KCNJ6: variants seen among roughly 807,000 people sequenced by gnomAD.
The protein encoded by KCNJ6 is potassium inwardly rectifying channel subfamily J member 6, also known as G protein-activated inward rectifier potassium channel 2.
In KCNJ6, 9 loss-of-function variants were observed where a neutral mutation model predicts 34.2. The observed-to-expected ratio is 0.26, with a 90% CI of 0.16 to 0.46. The LOEUF is 0.46. KCNJ6 is among the 20% of genes least tolerant of loss of function. The pLI is 1.00. For missense variants in KCNJ6, 236 were observed against 531.3 expected (o/e 0.44, Z 5.46); for synonymous variants, 196 against 207.1 (o/e 0.95, Z 0.46).
At chr21:37,840,966 T>C (rs2055477546) in intron 1 of KCNJ6, among the ~76,000 whole-genome samples, 1 of 152,190 alleles carries the variant, frequency 6.6e-6, no homozygotes, top group African/African-American at 2.4e-5. Flanking sequence ...ATATATATAA[T>C]TGGTGACGCA....
chr21:37,714,187 A>G lies in KCNJ6; in HGVS notation c.946+24T>C. On this transcript the variant is annotated intron_variant, in intron 3 of 3. Transcript: ENST00000609713. The surrounding 1 kb of genome is among the most constrained non-coding windows in gnomAD (Gnocchi z 5.9). ...TAAAATGAGCATCTATCCCACAGCC[A>G]TCCCAGGATAGAACACATCTTACCT... 6.5e-7 allele frequency: 1 copy of G among 1,538,224 alleles called. No individual in the cohort carries two copies. The highest frequency in any genetic ancestry group is 8.9e-7 in the Non-Finnish European group (1 of 1,117,784).
At chr21:37,822,390 A>AT (rs935855980) in intron 2 of KCNJ6, among the ~76,000 whole-genome samples, 4 of 151,152 alleles carry the variant, frequency 2.6e-5, no homozygotes, top group Non-Finnish European at 5.9e-5. Flanking sequence ...GCCTGGTTCC[A>AT]TTTTTTCCCC....
chr21:37,810,638 T>A (rs970359113), intron 2 of KCNJ6, among the ~76,000 whole-genome samples: 14 of 152,246 alleles, frequency 9.2e-5, no homozygotes, highest in African/African-American at 3.1e-4. Flanking sequence ...TGGCTTTTGA[T>A]ATTGACGTTA....
intron 1 of KCNJ6, among the ~76,000 whole-genome samples, chr21:37,860,401 C>G (rs367995741): frequency 6.6e-6 from 1 of 152,348 alleles, no homozygotes; most frequent in East Asian, 1.9e-4. Flanking sequence ...CTCGCCTGGT[C>G]TACGCCAGGC....
chr21:37,727,334 G>A (rs1312188205), intron 2 of KCNJ6, among the ~76,000 whole-genome samples: 1 of 152,122 alleles, frequency 6.6e-6, no homozygotes, highest in Admixed American at 6.5e-5. Context: ...GAGTGGTGGG[G>A]TCTAAGGCAG....
intron 1 of KCNJ6, among the ~76,000 whole-genome samples, chr21:37,863,414 T>C (rs1338250045): frequency 6.6e-6 from 1 of 152,200 alleles, no homozygotes; most frequent in Admixed American, 6.5e-5. Flanking sequence ...TTTGATTTAT[T>C]GCAAATCTGA....
intron 3 of KCNJ6, among the ~76,000 whole-genome samples, chr21:37,671,963 C>A (rs1160447699): frequency 2.6e-5 from 4 of 151,958 alleles, no homozygotes; most frequent in African/African-American, 9.7e-5. Flanking sequence ...TTTGTGGATT[C>A]TTTGGGGTTT....
chr21:37,871,956 A>T (rs895325789), intron 1 of KCNJ6, among the ~76,000 whole-genome samples: 3 of 152,252 alleles, frequency 2.0e-5, no homozygotes, highest in Non-Finnish European at 4.4e-5. Flanking sequence ...TTGATTTTTC[A>T]TAAGTTAAAT....
intron 1 of KCNJ6, among the ~76,000 whole-genome samples, chr21:37,887,320 G>T (rs2055740880): frequency 6.6e-6 from 1 of 152,148 alleles, no homozygotes; most frequent in Admixed American, 6.6e-5. Flanking sequence ...CTCATGCCTG[G>T]TTATGAATCC....
At chr21:37,760,538 C>T (rs953081761) in intron 2 of KCNJ6, among the ~76,000 whole-genome samples, 5 of 152,318 alleles carry the variant, frequency 3.3e-5, no homozygotes, top group Admixed American at 6.5e-5. Context: ...AGTCCAACAG[C>T]GTGAGGCTTC....
chr21:37,614,518 ATG>A lies in KCNJ6; in HGVS notation c.*10639_*10640del, dbSNP rs1236250450. On this transcript the variant is annotated 3_prime_UTR_variant, in exon 4 of 4. Transcript: ENST00000609713. Reference sequence around the variant, plus strand: ...CGTGTATGCATGTGTCTCTGTATGCATGTGTGTATGCATGTCTCTGTGTATGC... The same window carrying A: ...CGTGTATGCATGTGTCTCTGTATGCATGTGTATGCATGTCTCTGTGTATGC... 7 of 38,570 alleles carry A rather than the reference ATG, an allele frequency of 1.8e-4. No homozygotes were observed. Among genetic ancestry groups the A allele is most frequent in the Non-Finnish European group, 4.4e-4 (7 of 15,752 alleles). The allele number at this position is 38,570 out of a possible 1,614,324, so 2.4% of individuals were successfully genotyped here.
At chr21:37,769,175 T>C (rs1299409228) in intron 2 of KCNJ6, among the ~76,000 whole-genome samples, 1 of 152,174 alleles carries the variant, frequency 6.6e-6, no homozygotes, top group African/African-American at 2.4e-5. Flanking sequence ...TGTGTCAGTG[T>C]GGGCAGGCAA....
chr21:37,783,634 G>A (rs538484488), intron 2 of KCNJ6, among the ~76,000 whole-genome samples: 117 of 152,280 alleles, frequency 7.7e-4, no homozygotes, highest in Middle Eastern at 3.4e-3. Context: ...TGAATACCTG[G>A]AATTCTGTAA....
At chr21:37,698,634 T>G (rs912573697) in intron 3 of KCNJ6, among the ~76,000 whole-genome samples, 1 of 152,058 alleles carries the variant, frequency 6.6e-6, no homozygotes, top group Non-Finnish European at 1.5e-5. Context: ...TGGACTCAGC[T>G]GATCCTCCTG....
rs765277754 is a variant in KCNJ6, at chr21:37,650,310, G to A, written c.947-24826C>T. ...AATAAGCTACCTCTGGACTGAGTCCGAGTTCTGCCTCTCACTCTCCACATG... is the reference window on the plus strand; with the variant it reads ...AATAAGCTACCTCTGGACTGAGTCCAAGTTCTGCCTCTCACTCTCCACATG... On this transcript the variant is annotated intron_variant, in intron 3 of 3. Coordinates refer to ENST00000609713, the MANE Select transcript of KCNJ6 (RefSeq NM_002240.5). 6.5e-4 allele frequency among the ~76,000 whole-genome samples: 99 copies of A among 152,282 alleles called. 1 individual carries two copies. Among genetic ancestry groups the A allele is most frequent in the Non-Finnish European group, 1.3e-3 (87 of 68,020 alleles).
chr21:37,788,851 T>C (rs1327716800), intron 2 of KCNJ6, among the ~76,000 whole-genome samples: 1 of 152,054 alleles, frequency 6.6e-6, no homozygotes, highest in Admixed American at 6.5e-5. Context: ...CTGCTGACTA[T>C]TGAGTGACTC....
intron 3 of KCNJ6, among the ~76,000 whole-genome samples, chr21:37,666,019 T>C (rs1170875099): frequency 6.6e-6 from 1 of 152,164 alleles, no homozygotes; most frequent in African/African-American, 2.4e-5. Flanking sequence ...TACCATGATG[T>C]CATTTCATAC....
chr21:37,765,231 CTT>C (rs1366961336), intron 2 of KCNJ6, among the ~76,000 whole-genome samples: 2 of 152,160 alleles, frequency 1.3e-5, no homozygotes, highest in East Asian at 3.8e-4. Context: ...CTGCACATCT[CTT>C]TTAAATTTTG....
At chr21:37,898,241 C>T (rs868672263) in intron 1 of KCNJ6, among the ~76,000 whole-genome samples, 12 of 152,184 alleles carry the variant, frequency 7.9e-5, no homozygotes, top group Non-Finnish European at 1.3e-4. Flanking sequence ...GTGCCCTTAC[C>T]GGTCATGGAA....
Sources: allele counts gnomAD v4.1 joint callset (sites outside exome capture counted in the v4.1 genomes callset), GRCh38; gene constraint gnomAD v4.1.1; non-coding constraint Gnocchi (gnomAD v3.1); transcripts MANE v1.5; gene names NCBI Gene and HGNC (gene_info 2026-07-23, HGNC 2026-07-21).